Variants in TMEM266 observed in about 807,000 individuals in gnomAD.
TMEM266 encodes transmembrane protein 266, also known as Hv1 related protein 1.
Under a neutral mutation model 50.5 loss-of-function variants are expected in TMEM266, and 33 were observed. That is an observed-to-expected ratio of 0.65 (90% CI 0.50 to 0.87). TMEM266 has a LOEUF of 0.87. Among genes scored for constraint, TMEM266 ranks in the 40% least tolerant of loss-of-function variants. The probability of loss-of-function intolerance (pLI) is 0.00; values close to 1 mark genes in which losing one functional copy is unlikely to be tolerated. For synonymous variants in TMEM266, 310 were observed against 292.3 expected, an observed-to-expected ratio of 1.06 and a Z score of -0.62; for missense variants, 655 against 695.1, an observed-to-expected ratio of 0.94 and a Z score of 0.65.
chr15:76,155,717 ATGGAAAC>A lies in TMEM266; in HGVS notation c.228-885_228-879del, dbSNP rs2037914438. 2.6e-5 allele frequency among the ~76,000 whole-genome samples: 4 copies of A among 152,342 alleles called. No individual in the cohort carries two copies. The South Asian group carries it at 8.3e-4, about 32-fold the overall frequency. ...CAAATTTCCCAAAACGTACCCAACC[ATGGAAAC>A]TTTTGCATCAAATAACAACTATGAA... On this transcript the variant is annotated intron_variant, in intron 3 of 10. Coordinates refer to ENST00000388942, the MANE Select transcript of TMEM266 (RefSeq NM_152335.3).
intron 1 of TMEM266, among the ~76,000 whole-genome samples, chr15:76,072,588 T>C (rs1365750431): frequency 6.6e-6 from 1 of 152,056 alleles, no homozygotes; most frequent in African/African-American, 2.4e-5. Context: ...TGTCCAATGA[T>C]GGGATTGGGC....
chr15:76,075,885 C>CTTTTTTTTT (rs2036600117), intron 1 of TMEM266, among the ~76,000 whole-genome samples: 1 of 103,424 alleles, frequency 9.7e-6, no homozygotes, highest in Non-Finnish European at 1.8e-5. Context: ...GAGACACGGG[C>CTTTTTTTTT]TTTTTTTGTG....
rs188707098 is a variant in TMEM266 at position 76,079,232 on chromosome 15, A to G, written c.-97+19216A>G. Among the ~76,000 whole-genome samples the G allele has an allele frequency of 3.3e-4, 50 of 152,048 alleles. No homozygotes were observed. In the East Asian group the frequency reaches 9.1e-3, roughly 28 times the overall value. ...GCCAGGCGTGGTGGCACACGCCTGT[A>G]GTCCCAGCTACTCGGGAGGCTGAGG... On this transcript the variant is annotated intron_variant, in intron 1 of 10. Transcript: ENST00000388942.
rs769336096 is a variant in TMEM266, at chr15:76,204,156, A to G, written c.1437A>G (p.Glu479=). The change falls in exon 11 of 11, where the codon GAA becomes GAG. Residue 479 remains glutamate, a synonymous_variant. Coordinates refer to ENST00000388942, the MANE Select transcript of TMEM266 (RefSeq NM_152335.3). ...CGGCCCAAACCAGCCCCGAGCTGGA[A>G]CACAGGGTAAGTCTGTTCAACCAGA... 4 of 1,613,504 alleles carry G rather than the reference A, an allele frequency of 2.5e-6. No individual in the cohort carries two copies. The highest frequency in any genetic ancestry group is 3.4e-6 in the Non-Finnish European group (4 of 1,179,998).
chr15:76,127,702 A>G (rs577066929), intron 1 of TMEM266, among the ~76,000 whole-genome samples: 5 of 152,172 alleles, frequency 3.3e-5, no homozygotes, highest in Admixed American at 2.0e-4. Flanking sequence ...GATACACCCT[A>G]TCTCTGGTTC....
chr15:76,137,560 G>A (rs777543871), intron 2 of TMEM266, 147 bp from the exon 3 acceptor site: 36 of 756,730 alleles, frequency 4.8e-5, no homozygotes, highest in Non-Finnish European at 7.3e-5. Flanking sequence ...TCGGGTCCGC[G>A]GGTGGCCAGC....
At chr15:76,128,430 C>T (rs553330784) in intron 1 of TMEM266, among the ~76,000 whole-genome samples, 1 of 152,316 alleles carries the variant, frequency 6.6e-6, no homozygotes, top group East Asian at 1.9e-4. Flanking sequence ...TCATGACCAA[C>T]AAGTGGAAGA....
At chr15:76,061,147 G>A (rs2036295109) in intron 1 of TMEM266, among the ~76,000 whole-genome samples, 1 of 152,158 alleles carries the variant, frequency 6.6e-6, no homozygotes, top group South Asian at 2.1e-4. Context: ...GAAAAGAATA[G>A]TAAGAGCTAG....
intron 1 of TMEM266, among the ~76,000 whole-genome samples, chr15:76,126,466 A>T (rs1002283317): frequency 6.6e-6 from 1 of 151,178 alleles, no homozygotes; most frequent in African/African-American, 2.4e-5. Flanking sequence ...AGATGGATGT[A>T]CCTTGAGAAT....
intron 1 of TMEM266, among the ~76,000 whole-genome samples, chr15:76,132,823 A>G (rs2037531816): frequency 1.2e-5 from 1 of 82,512 alleles, no homozygotes; most frequent in East Asian, 3.5e-4. Context: ...AATTATTATT[A>G]TTATTATTAT....
intron 9 of TMEM266, among the ~76,000 whole-genome samples, chr15:76,200,963 C>T (rs2038736092): frequency 6.6e-6 from 1 of 152,222 alleles, no homozygotes; most frequent in Non-Finnish European, 1.5e-5. Flanking sequence ...GGCAGACTGG[C>T]TTCTGCAGCT....
At chr15:76,188,324 A>G (rs1339201282) in intron 8 of TMEM266, among the ~76,000 whole-genome samples, 3 of 152,170 alleles carry the variant, frequency 2.0e-5, no homozygotes, top group Non-Finnish European at 4.4e-5. Flanking sequence ...CAGCAAGGAG[A>G]AGTGTCAAGC....
intron 7 of TMEM266, among the ~76,000 whole-genome samples, chr15:76,173,951 A>T (rs1034963345): frequency 3.3e-5 from 5 of 151,784 alleles, no homozygotes; most frequent in Non-Finnish European, 7.4e-5. Flanking sequence ...ATAAAAAAAA[A>T]AAAAAGAGGT....
intron 1 of TMEM266, among the ~76,000 whole-genome samples, chr15:76,101,067 C>G (rs2036992914): frequency 6.7e-6 from 1 of 150,346 alleles, no homozygotes; most frequent in South Asian, 2.1e-4. Flanking sequence ...TAATGGTGGT[C>G]TCTGCATGTA....
At chr15:76,159,916 C>T (rs1189659970) in intron 4 of TMEM266, among the ~76,000 whole-genome samples, 179 bp from the exon 5 acceptor site, 1 of 152,168 alleles carries the variant, frequency 6.6e-6, no homozygotes, top group East Asian at 1.9e-4. Context: ...TGTCCTACTG[C>T]CTTCACTGCA....
At chr15:76,066,261 T>C (rs886625686) in intron 1 of TMEM266, among the ~76,000 whole-genome samples, 3 of 152,180 alleles carry the variant, frequency 2.0e-5, no homozygotes, top group Non-Finnish European at 4.4e-5. Context: ...CATGTAAGCT[T>C]GATACGGGAT....
chr15:76,087,903 A>C (rs1014163304), intron 1 of TMEM266, among the ~76,000 whole-genome samples: 1 of 152,190 alleles, frequency 6.6e-6, no homozygotes, highest in African/African-American at 2.4e-5. Context: ...TTCTCAGGCT[A>C]CTGGAATGTC....
intron 10 of TMEM266, among the ~76,000 whole-genome samples, chr15:76,203,081 G>A (rs559867799): frequency 7.9e-5 from 12 of 152,142 alleles, no homozygotes; most frequent in Middle Eastern, 3.4e-3. Context: ...GGTCAGCCCC[G>A]TGGTACATCT....
chr15:76,073,082 T>G (rs1404389090), intron 1 of TMEM266, among the ~76,000 whole-genome samples: 1 of 149,882 alleles, frequency 6.7e-6, no homozygotes, highest in East Asian at 2.0e-4. Context: ...CAGGCATGTG[T>G]CACCACACCC....
Sources: gnomAD v4.1 joint callset for allele counts (sites outside exome capture counted in the v4.1 genomes callset) on GRCh38, gnomAD v4.1.1 for gene constraint, MANE v1.5 for transcripts, NCBI Gene and HGNC (gene_info 2026-07-23, HGNC 2026-07-21) for gene names.